Variants in GAD2 observed in about 807,000 individuals in gnomAD.
GAD2 encodes the protein glutamate decarboxylase 2.
In GAD2, 22 loss-of-function variants were observed where a neutral mutation model predicts 80.1. The ratio of observed to expected loss-of-function variants is 0.27; its 90% confidence interval spans 0.20 to 0.39. GAD2 has a LOEUF of 0.39. Among genes scored for constraint, GAD2 ranks in the 10% least tolerant of loss-of-function variants. GAD2 has a pLI of 1.00. For missense variants in GAD2, 624 were observed against 738.4 expected (o/e 0.85, Z 1.80); for synonymous variants, 274 against 256.9 (o/e 1.07, Z -0.64).
intron 12 of GAD2, among the ~76,000 whole-genome samples, chr10:26,283,642 C>A (rs1159342914): frequency 1.3e-5 from 2 of 152,166 alleles, no homozygotes; most frequent in Admixed American, 6.5e-5. Context: ...AGCTTGGTAC[C>A]AAATTGTCCA....
intron 10 of GAD2, among the ~76,000 whole-genome samples, chr10:26,271,970 G>A (rs187443169): frequency 3.3e-5 from 5 of 152,252 alleles, no homozygotes; most frequent in African/African-American, 9.6e-5. Context: ...ATATTGGCCA[G>A]GCTGCTCTCG....
At chr10:26,249,867 A>G (rs1844857610) in intron 8 of GAD2, among the ~76,000 whole-genome samples, 1 of 152,154 alleles carries the variant, frequency 6.6e-6, no homozygotes, top group Admixed American at 6.5e-5. Flanking sequence ...GAAAGGGACC[A>G]TGGACAGGGC....
rs143491592 is a variant in GAD2, at chr10:26,265,493, G to A, written c.921-3626G>A. On this transcript the variant is annotated intron_variant, in intron 8 of 15. Transcript: ENST00000376261. ...ACTGGGATTACAGGTGCGAGCCACCGAGTATGGCCAGCATCATACGACTTC... is the reference window on the plus strand; with the variant it reads ...ACTGGGATTACAGGTGCGAGCCACCAAGTATGGCCAGCATCATACGACTTC... Among the ~76,000 whole-genome samples the A allele has an allele frequency of 3.0e-3, 462 of 152,136 alleles. 3 individuals carry two copies. Among genetic ancestry groups the A allele is most frequent in the African/African-American group, 0.011 (438 of 41,520 alleles).
intron 8 of GAD2, among the ~76,000 whole-genome samples, chr10:26,268,659 C>T (rs971654296): frequency 2.6e-5 from 4 of 152,170 alleles, no homozygotes; most frequent in African/African-American, 9.7e-5. Flanking sequence ...GTAGCTATTT[C>T]ACTTAGTATC....
chr10:26,269,753 T>C (rs1845112196), intron 9 of GAD2, among the ~76,000 whole-genome samples: 1 of 152,254 alleles, frequency 6.6e-6, no homozygotes, highest in South Asian at 2.1e-4. Context: ...TTGGTAGATA[T>C]AACCTACAGT....
intron 6 of GAD2, 56 bp downstream of exon 6, chr10:26,224,707 T>G (rs1239762268): frequency 2.4e-6 from 3 of 1,263,156 alleles, no homozygotes; most frequent in Admixed American, 3.5e-5. Flanking sequence ...AATGCCTTGT[T>G]GTAAACCTAG....
At chr10:26,292,746 T>C (rs560431577) in intron 14 of GAD2, among the ~76,000 whole-genome samples, 156 bp from the exon 15 acceptor site, 1 of 152,336 alleles carries the variant, frequency 6.6e-6, no homozygotes, top group South Asian at 2.1e-4. Flanking sequence ...AAGTGGTCCA[T>C]ATAACGTTGT....
chr10:26,245,078 G>T (rs7911393), intron 7 of GAD2, among the ~76,000 whole-genome samples: 1 of 151,632 alleles, frequency 6.6e-6, no homozygotes, highest in Non-Finnish European at 1.5e-5. Flanking sequence ...ACTGGAACCC[G>T]GGAGGCAGGG....
At chr10:26,236,302 CTTTTTTTT>C (rs201706752) in intron 7 of GAD2, among the ~76,000 whole-genome samples, 1 of 137,466 alleles carries the variant, frequency 7.3e-6, no homozygotes, top group Non-Finnish European at 1.6e-5. Flanking sequence ...TTTCTTTTTT[CTTTTTTTT>C]TTTTTTTGAG....
At chr10:26,253,110 AT>A (rs1199476175) in intron 8 of GAD2, among the ~76,000 whole-genome samples, 3 of 152,222 alleles carry the variant, frequency 2.0e-5, no homozygotes, top group African/African-American at 2.4e-5. Flanking sequence ...AAGCATTTTA[AT>A]TTTATTAAAT....
chr10:26,266,760 G>A (rs188316165), intron 8 of GAD2, among the ~76,000 whole-genome samples: 14 of 152,280 alleles, frequency 9.2e-5, no homozygotes, highest in East Asian at 1.9e-4. Context: ...CTGTTTTCCC[G>A]GCAGGTTTGT....
chr10:26,295,757 C>T (rs563380375), intron 15 of GAD2, among the ~76,000 whole-genome samples: 1 of 152,296 alleles, frequency 6.6e-6, no homozygotes, highest in East Asian at 1.9e-4. Flanking sequence ...AGAACATCTC[C>T]ATCACTGCAC....
intron 10 of GAD2, among the ~76,000 whole-genome samples, chr10:26,272,043 A>G (rs1845143608): frequency 6.6e-6 from 1 of 152,220 alleles, no homozygotes; most frequent in African/African-American, 2.4e-5. Context: ...TACAGGCAGG[A>G]GCCACCACAC....
At chr10:26,243,529 C>G (rs1233083540) in intron 7 of GAD2, among the ~76,000 whole-genome samples, 1 of 152,212 alleles carries the variant, frequency 6.6e-6, no homozygotes, top group East Asian at 1.9e-4. Context: ...TACAGCTGGG[C>G]TTAGGTTAGC....
chr10:26,291,063 C>T (rs1228920516), intron 13 of GAD2, among the ~76,000 whole-genome samples: 2 of 152,232 alleles, frequency 1.3e-5, no homozygotes, highest in African/African-American at 4.8e-5. Flanking sequence ...ATCAGAGAGG[C>T]ATCATCATTC....
At chr10:26,291,284 A>G (rs1321276743) in intron 13 of GAD2, among the ~76,000 whole-genome samples, 2 of 152,140 alleles carry the variant, frequency 1.3e-5, no homozygotes, top group African/African-American at 4.8e-5. Context: ...TTCCAAACCA[A>G]TTATAATCTC....
At chr10:26,231,654 G>C (rs1004316292) in intron 7 of GAD2, among the ~76,000 whole-genome samples, 1 of 152,088 alleles carries the variant, frequency 6.6e-6, no homozygotes, top group East Asian at 1.9e-4. Flanking sequence ...AAACTTTGTG[G>C]CTTACAACAA....
Position 26,216,883 on chromosome 10 carries a change from C to T in GAD2, c.74C>T (p.Thr25Ile). 1 of 1,610,282 alleles carries T rather than the reference C, an allele frequency of 6.2e-7. No individual in the cohort carries two copies. Among genetic ancestry groups the T allele is most frequent in the Non-Finnish European group, 8.5e-7 (1 of 1,178,426 alleles). ...TCTGGGGATTCCGAGAATCCCGGCA[C>T]AGGTAGGAAGGAGAACGGGGGCCTG... ...DGSGDSENPG[T>I]ARAWCQVAQK... The change falls in exon 1 of 16, where the codon ACA becomes ATA. Residue 25 changes from threonine to isoleucine, a missense_variant and splice_region_variant. Thr to Ile is a moderately conservative substitution (Grantham distance 89). Transcript: ENST00000376261. This position sits in a 1 kb window ranked among gnomAD's most constrained non-coding sequence, Gnocchi z 4.7.
Position 26,301,066 on chromosome 10 carries a change from A to G in GAD2, c.*105A>G. 2.0e-6 allele frequency: 2 copies of G among 978,268 alleles called. No homozygotes were observed. The highest frequency in any genetic ancestry group is 3.1e-6 in the Non-Finnish European group (2 of 648,906). 60.6% of individuals were successfully genotyped at this position (978,268 alleles called of 1,614,324 possible). On this transcript the variant is annotated 3_prime_UTR_variant, in exon 16 of 16. Coordinates refer to ENST00000376261, the MANE Select transcript of GAD2 (RefSeq NM_001134366.2). Reference sequence around the variant, plus strand: ...TGTTCCAAAGTAAATCTATTTCTATATTGTGGTGTCAAAGTAGAGTTTAAA... The same window carrying G: ...TGTTCCAAAGTAAATCTATTTCTATGTTGTGGTGTCAAAGTAGAGTTTAAA...
Sources: allele counts gnomAD v4.1 joint callset (sites outside exome capture counted in the v4.1 genomes callset), GRCh38; gene constraint gnomAD v4.1.1; non-coding constraint Gnocchi (gnomAD v3.1); transcripts MANE v1.5; gene names NCBI Gene and HGNC (gene_info 2026-07-23, HGNC 2026-07-21).